PRKCZ: variants seen among roughly 807,000 people sequenced by gnomAD.
The protein encoded by PRKCZ is protein kinase C zeta type.
Under a neutral mutation model 79.5 loss-of-function variants are expected in PRKCZ, and 33 were observed. The ratio of observed to expected loss-of-function variants is 0.41; its 90% CI spans 0.31 to 0.55. PRKCZ has a LOEUF of 0.55. PRKCZ is among the 20% of genes least tolerant of loss of function. PRKCZ has a pLI of 0.19. For synonymous variants in PRKCZ, 342 were observed against 320.9 expected (o/e 1.07, Z -0.70); for missense variants, 578 against 813.5 (o/e 0.71, Z 3.52).
At chr1:2,119,654 A>AC (rs1456990076) in intron 4 of PRKCZ, among the ~76,000 whole-genome samples, 1 of 151,996 alleles carries the variant, frequency 6.6e-6, no homozygotes, top group Non-Finnish European at 1.5e-5. Context: ...CTTCAGATTT[A>AC]CCCCCAGGTT....
At chr1:2,167,665 G>T (rs957748010) in intron 10 of PRKCZ, among the ~76,000 whole-genome samples, 6 of 152,092 alleles carry the variant, frequency 3.9e-5, no homozygotes, top group African/African-American at 1.2e-4. Context: ...GTGCAGTGGC[G>T]CAATCTCAGC....
At chr1:2,160,793 G>C (rs986057974) in intron 10 of PRKCZ, among the ~76,000 whole-genome samples, 1 of 152,164 alleles carries the variant, frequency 6.6e-6, no homozygotes, top group African/African-American at 2.4e-5. Flanking sequence ...GCACAGAGCG[G>C]AGCCAGCCTG....
chr1:2,149,303 A>C lies in PRKCZ; in HGVS notation c.687+379A>C, dbSNP rs1679362769. 2.0e-5 allele frequency among the ~76,000 whole-genome samples: 3 copies of C among 152,198 alleles called. No individual in the cohort carries two copies. In the South Asian group the frequency reaches 6.2e-4, roughly 31 times the overall value. ...TGTTGCCTCATTTGGCCATCCTGGC[A>C]AACCCTCTGAAGCCCTTTCATGTCC... On this transcript the variant is annotated intron_variant, in intron 8 of 17. Coordinates refer to ENST00000378567, the MANE Select transcript of PRKCZ (RefSeq NM_002744.6). The surrounding 1 kb of genome is among the most constrained non-coding windows in gnomAD (Gnocchi z 4.1).
intron 10 of PRKCZ, among the ~76,000 whole-genome samples, chr1:2,159,347 C>T (rs1681765312): frequency 6.6e-6 from 1 of 152,268 alleles, no homozygotes; most frequent in Non-Finnish European, 1.5e-5. Context: ...GAGGTGACTG[C>T]AGGCTTTATG....
At chr1:2,183,128 G>A (rs1394223725) in intron 16 of PRKCZ, among the ~76,000 whole-genome samples, 1 of 152,222 alleles carries the variant, frequency 6.6e-6, no homozygotes, top group African/African-American at 2.4e-5. Flanking sequence ...CTACTCAGAA[G>A]GCTGAGGCGG....
chr1:2,136,744 C>T (rs1164147831), intron 5 of PRKCZ, among the ~76,000 whole-genome samples: 1 of 152,188 alleles, frequency 6.6e-6, no homozygotes, highest in African/African-American at 2.4e-5. Context: ...ACAGAGATCC[C>T]GTCCGCACCC....
At chr1:2,092,604 T>A (rs1160021375) in intron 4 of PRKCZ, among the ~76,000 whole-genome samples, 1 of 152,220 alleles carries the variant, frequency 6.6e-6, no homozygotes, top group Non-Finnish European at 1.5e-5. Flanking sequence ...GTTTAAGGTA[T>A]AAATTCATTG....
At chr1:2,176,355 T>C (rs1376059824) in intron 16 of PRKCZ, among the ~76,000 whole-genome samples, 1 of 151,924 alleles carries the variant, frequency 6.6e-6, no homozygotes, top group Non-Finnish European at 1.5e-5. Flanking sequence ...GTGGGTTCTG[T>C]GTGGAAGTGC....
intron 4 of PRKCZ, among the ~76,000 whole-genome samples, chr1:2,132,001 C>T (rs1045990352): frequency 4.6e-5 from 7 of 152,114 alleles, no homozygotes; most frequent in South Asian, 2.1e-4. Context: ...TTAGTAGAGA[C>T]GGGGTTTCAC....
At chr1:2,097,299 G>A (rs1454700173) in intron 4 of PRKCZ, among the ~76,000 whole-genome samples, 3 of 152,230 alleles carry the variant, frequency 2.0e-5, no homozygotes, top group Non-Finnish European at 4.4e-5. Flanking sequence ...GTCATATTCC[G>A]AGTGTGACCA....
intron 4 of PRKCZ, among the ~76,000 whole-genome samples, chr1:2,079,986 C>T (rs576572680): frequency 8.0e-4 from 122 of 152,266 alleles, no homozygotes; most frequent in Admixed American, 1.6e-3. Context: ...GTCTGGGGGT[C>T]GACTCCTCAC....
chr1:2,060,197 C>T (rs1660547139), intron 4 of PRKCZ, among the ~76,000 whole-genome samples: 2 of 152,268 alleles, frequency 1.3e-5, no homozygotes, highest in African/African-American at 2.4e-5. Context: ...CTCCAGCATC[C>T]GTGCCATGCC....
rs1299096607 is a variant in PRKCZ, at chr1:2,172,378, A to G, written c.1275A>G (p.Gly425=). ...ACATCGCCCCCGAAATCCTGCGGGG[A>G]GAGGAGTACGGTGAGTGCCGCTGCC... is the stretch of plus-strand genomic sequence containing the variant. ...PNYIAPEILR[G]EEYGFSVDWW... is the part of the protein sequence containing the mutation. Residue 425 remains glycine, a synonymous_variant, in exon 13 of 18, where the codon GGA becomes GGG. Transcript: ENST00000378567. The surrounding 1 kb of genome is among the most constrained non-coding windows in gnomAD (Gnocchi z 7.8). 1 of 1,612,796 alleles carries G rather than the reference A, an allele frequency of 6.2e-7. No individual in the cohort carries two copies. The highest frequency in any genetic ancestry group is 8.5e-7 in the Non-Finnish European group (1 of 1,179,756).
intron 3 of PRKCZ, 78 bp from the exon 4 acceptor site, chr1:2,059,463 G>T: frequency 1.3e-6 from 2 of 1,555,422 alleles, no homozygotes; most frequent in Non-Finnish European, 1.8e-6. Context: ...CAGCCTGACT[G>T]AGGCGGGACT....
chr1:2,135,187 C>A, intron 4 of PRKCZ, 75 bp from the exon 5 acceptor site: 1 of 1,298,564 alleles, frequency 7.7e-7, no homozygotes, highest in Non-Finnish European at 1.1e-6. Context: ...ACGGGAGTGG[C>A]CTGTCGCAGC....
At chr1:2,136,050 G>C (rs977979241) in intron 5 of PRKCZ, among the ~76,000 whole-genome samples, 1 of 152,124 alleles carries the variant, frequency 6.6e-6, no homozygotes, top group African/African-American at 2.4e-5. Flanking sequence ...CAGAGCCCCT[G>C]ACAGCCCCTC....
intron 3 of PRKCZ, among the ~76,000 whole-genome samples, chr1:2,057,582 T>G (rs1316482354): frequency 6.6e-6 from 1 of 152,180 alleles, no homozygotes; most frequent in Non-Finnish European, 1.5e-5. Context: ...ATTTAAAGAC[T>G]AGGCCGGGTG....
chr1:2,110,670 G>C (rs1669552551), intron 4 of PRKCZ, among the ~76,000 whole-genome samples: 1 of 152,104 alleles, frequency 6.6e-6, no homozygotes, highest in Non-Finnish European at 1.5e-5. Flanking sequence ...AGGGAATGGG[G>C]GTTTGGATCG....
At chr1:2,163,450 C>T (rs1286168569) in intron 10 of PRKCZ, among the ~76,000 whole-genome samples, 1 of 152,256 alleles carries the variant, frequency 6.6e-6, no homozygotes, top group Admixed American at 6.5e-5. Context: ...ATGATACATA[C>T]AGCCTCTCAG....
Sources: allele counts gnomAD v4.1 joint callset (sites outside exome capture counted in the v4.1 genomes callset), GRCh38; gene constraint gnomAD v4.1.1; non-coding constraint Gnocchi (gnomAD v3.1); transcripts MANE v1.5; gene names NCBI Gene and HGNC (gene_info 2026-07-23, HGNC 2026-07-21).